CDCP1: variants seen among roughly 807,000 people sequenced by gnomAD.
The protein encoded by CDCP1 is CUB domain containing protein 1, also known as CUB domain-containing protein 1.
Under a neutral mutation model 60.2 loss-of-function variants are expected in CDCP1, and 29 were observed. That is an observed-to-expected ratio of 0.48 (90% CI 0.36 to 0.66). CDCP1 has a LOEUF of 0.66. CDCP1 is among the 30% of genes least tolerant of loss of function. The pLI is 0.00. For missense variants in CDCP1, 876 were observed against 1,074.3 expected (o/e 0.82, Z 2.58); for synonymous variants, 387 against 431.1 (o/e 0.90, Z 1.27).
In CDCP1 at chr3:45,095,492, G is replaced by A. The variant is rs1698382666; in HGVS notation, c.1101C>T (p.Ser367=). The A allele has an allele frequency of 6.2e-7, 1 of 1,614,058 alleles. No individual in the cohort carries two copies. The highest frequency in any genetic ancestry group is 1.3e-5 in the African/African-American group (1 of 74,914). Residue 367 remains serine, a synonymous_variant, in exon 5 of 9, where the codon AGC becomes AGT. Coordinates refer to ENST00000296129, the MANE Select transcript of CDCP1 (RefSeq NM_022842.5). ...LTIEPRPVKQ[S]RKFVPGCFVC... is the part of the protein sequence containing the mutation. ...CGAAACAGCCAGGGACAAACTTGCG[G>A]CTCTGTTTGACGGGCCGTGGCTCGA...
chr3:45,122,407 G>C (rs1475584173), intron 1 of CDCP1, among the ~76,000 whole-genome samples: 1 of 152,044 alleles, frequency 6.6e-6, no homozygotes, highest in East Asian at 1.9e-4. Flanking sequence ...GCCTCCCAAA[G>C]TGCTGGGATT....
At position 45,146,314 on chromosome 3, in the gene CDCP1, G is replaced by A; in HGVS notation, c.-27C>T. 3 of 1,542,518 alleles carry A rather than the reference G, an allele frequency of 1.9e-6. No individual in the cohort carries two copies. The highest frequency in any genetic ancestry group is 2.6e-6 in the Non-Finnish European group (3 of 1,148,732). ...ACTCCGGGACGCCTCGGCCTCGGTGGGGAAAACGACGGTGGGGAGCGGCGG... is the reference window on the plus strand; with the variant it reads ...ACTCCGGGACGCCTCGGCCTCGGTGAGGAAAACGACGGTGGGGAGCGGCGG... On this transcript the variant is annotated 5_prime_UTR_variant, in exon 1 of 9. Transcript: ENST00000296129.
chr3:45,087,751 G>A (rs1698219913), intron 8 of CDCP1, among the ~76,000 whole-genome samples: 1 of 152,194 alleles, frequency 6.6e-6, no homozygotes, highest in African/African-American at 2.4e-5. Flanking sequence ...TGGGTGTGGT[G>A]GCTCACGCCT....
intron 4 of CDCP1, among the ~76,000 whole-genome samples, chr3:45,096,539 C>T (rs1195432175): frequency 1.4e-5 from 2 of 139,996 alleles, no homozygotes; most frequent in African/African-American, 2.6e-5. Flanking sequence ...ACAGGAGAAT[C>T]GCTTGAACCC....
intron 1 of CDCP1, among the ~76,000 whole-genome samples, chr3:45,119,612 C>T (rs1054370024): frequency 6.6e-6 from 1 of 152,212 alleles, no homozygotes; most frequent in African/African-American, 2.4e-5. Flanking sequence ...ACAAATGGTG[C>T]TTGATAAACA....
At chr3:45,110,323 C>T in intron 4 of CDCP1, 150 bp downstream of exon 4, 1 of 1,446,774 alleles carries the variant, frequency 6.9e-7, no homozygotes, top group East Asian at 2.5e-5. Context: ...TGCCTAGCAA[C>T]CCACTTCCTG....
intron 4 of CDCP1, among the ~76,000 whole-genome samples, chr3:45,098,570 T>C (rs111661381): frequency 0.018 from 2,702 of 151,600 alleles, 84 homozygotes; most frequent in African/African-American, 0.062. Flanking sequence ...GATGTGGATT[T>C]CTCCTCCTTC....
At chr3:45,116,602 C>T (rs116499902) in intron 2 of CDCP1, among the ~76,000 whole-genome samples, 239 of 152,286 alleles carry the variant, frequency 1.6e-3, no homozygotes, top group African/African-American at 5.6e-3. Flanking sequence ...TCCTGGCTCA[C>T]GGGCCTAAGA....
intron 1 of CDCP1, among the ~76,000 whole-genome samples, chr3:45,143,777 G>A (rs554545907): frequency 6.6e-6 from 1 of 152,300 alleles, no homozygotes; most frequent in South Asian, 2.1e-4. Context: ...CAGCATCTGA[G>A]GTGAGCCCTA....
intron 4 of CDCP1, among the ~76,000 whole-genome samples, chr3:45,095,769 C>T (rs929840423): frequency 6.6e-6 from 1 of 151,706 alleles, no homozygotes; most frequent in Non-Finnish European, 1.5e-5. Context: ...GACTTCACTA[C>T]AATAAAAACA....
intron 4 of CDCP1, among the ~76,000 whole-genome samples, chr3:45,097,452 T>C (rs1698420525): frequency 6.6e-6 from 1 of 151,410 alleles, no homozygotes; most frequent in African/African-American, 2.4e-5. Flanking sequence ...ACACCACAGA[T>C]GCCTGGGGAT....
At chr3:45,123,701 T>G (rs375875714) in intron 1 of CDCP1, among the ~76,000 whole-genome samples, 1 of 152,164 alleles carries the variant, frequency 6.6e-6, no homozygotes, top group East Asian at 1.9e-4. Flanking sequence ...AGTGGTAAAA[T>G]CCCCACTGCT....
At chr3:45,090,234 AG>A (rs930061235) in intron 7 of CDCP1, among the ~76,000 whole-genome samples, 3 of 152,182 alleles carry the variant, frequency 2.0e-5, no homozygotes, top group African/African-American at 7.2e-5. Flanking sequence ...CAGCCTCCAC[AG>A]TCCCTTCTGA....
At chr3:45,125,691 G>A (rs1698966159) in intron 1 of CDCP1, among the ~76,000 whole-genome samples, 1 of 152,182 alleles carries the variant, frequency 6.6e-6, no homozygotes. Context: ...CTACAGTCCT[G>A]GCTGGCTGGG....
chr3:45,102,975 T>TG (rs1276488882), intron 4 of CDCP1, among the ~76,000 whole-genome samples: 1 of 151,908 alleles, frequency 6.6e-6, no homozygotes, highest in Non-Finnish European at 1.5e-5. Context: ...ATTTTTTTTT[T>TG]TTGACAAATA....
intron 1 of CDCP1, among the ~76,000 whole-genome samples, chr3:45,123,003 A>ATTT (rs35405744): frequency 2.0e-5 from 3 of 147,470 alleles, no homozygotes; most frequent in African/African-American, 7.5e-5. Flanking sequence ...AGACGTAGGG[A>ATTT]TTTTTTTTTT....
intron 1 of CDCP1, among the ~76,000 whole-genome samples, chr3:45,118,823 T>G (rs1698836735): frequency 6.6e-6 from 1 of 152,250 alleles, no homozygotes; most frequent in Non-Finnish European, 1.5e-5. Context: ...AGCTGGTCAC[T>G]GACATGTGTT....
chr3:45,125,527 T>C (rs1350116678), intron 1 of CDCP1, among the ~76,000 whole-genome samples: 1 of 152,224 alleles, frequency 6.6e-6, no homozygotes, highest in African/African-American at 2.4e-5. Context: ...TACAAAGTGC[T>C]TAGAATGGTG....
chr3:45,146,156 C>A, intron 1 of CDCP1, 50 bp downstream of exon 1: 1 of 1,507,668 alleles, frequency 6.6e-7, no homozygotes, highest in Non-Finnish European at 8.9e-7. Context: ...CGTCCGCTGG[C>A]TGGCTAGCTC....
Sources: gnomAD v4.1 joint callset for allele counts (sites outside exome capture counted in the v4.1 genomes callset) on GRCh38, gnomAD v4.1.1 for gene constraint, MANE v1.5 for transcripts, NCBI Gene and HGNC (gene_info 2026-07-23, HGNC 2026-07-21) for gene names.